The following NKAIN3 variants were observed in gnomAD, a reference collection of about 807,000 sequenced individuals.
NKAIN3 encodes sodium/potassium-transporting ATPase subunit beta-1-interacting protein 3.
Under a neutral mutation model 30.2 loss-of-function variants are expected in NKAIN3, and 25 were observed. The observed-to-expected ratio is 0.83, with a 90% confidence interval of 0.60 to 1.16. The LOEUF (loss-of-function observed/expected upper bound fraction) is 1.16, where lower values mean the gene tolerates loss of function less well. Among genes scored for constraint, NKAIN3 ranks in the 50% most tolerant of loss-of-function variants. The probability of loss-of-function intolerance (pLI) is 0.00; values close to 1 mark genes in which losing one functional copy is unlikely to be tolerated. For synonymous variants in NKAIN3, 91 were observed against 89.6 expected, an observed-to-expected ratio of 1.02 and a Z score of -0.09; for missense variants, 225 against 254.1, an observed-to-expected ratio of 0.89 and a Z score of 0.78.
chr8:62,986,777 A>G (rs1025548670), downstream of NKAIN3, among the ~76,000 whole-genome samples: 2 of 152,012 alleles, frequency 1.3e-5, no homozygotes, highest in Non-Finnish European at 2.9e-5. Context: ...TCAGTATTAT[A>G]TTTCTAAAGT....
At chr8:62,619,230 A>G (rs531910084) in intron 3 of NKAIN3, among the ~76,000 whole-genome samples, 1 of 152,316 alleles carries the variant, frequency 6.6e-6, no homozygotes, top group Middle Eastern at 3.4e-3. Context: ...TGGGTCACTT[A>G]CCTTAAGAAG....
At chr8:62,348,723 G>T (rs1263764969) in intron 1 of NKAIN3, among the ~76,000 whole-genome samples, 1 of 152,190 alleles carries the variant, frequency 6.6e-6, no homozygotes, top group Non-Finnish European at 1.5e-5. Flanking sequence ...CACCTGAGAT[G>T]AGTGAAAACT....
At chr8:62,494,936 T>C (rs180692472) in intron 1 of NKAIN3, among the ~76,000 whole-genome samples, 3 of 152,152 alleles carry the variant, frequency 2.0e-5, no homozygotes, top group Non-Finnish European at 4.4e-5. Flanking sequence ...CCTATCAATC[T>C]TATTAGCTTT....
chr8:62,361,791 C>T (rs1056354480), intron 1 of NKAIN3, among the ~76,000 whole-genome samples: 1 of 152,148 alleles, frequency 6.6e-6, no homozygotes, highest in Non-Finnish European at 1.5e-5. Context: ...ATTTTCCTTA[C>T]AATTCCCAAC....
chr8:62,415,843 T>G (rs1025835119), intron 1 of NKAIN3, among the ~76,000 whole-genome samples: 7 of 151,792 alleles, frequency 4.6e-5, no homozygotes, highest in African/African-American at 1.7e-4. Context: ...CGGCAAGCTC[T>G]GCCTCCCGGG....
At position 62,624,443 on chromosome 8, in the gene NKAIN3, A is replaced by G. The variant is rs144319742; in HGVS notation, c.273+34649A>G. On this transcript the variant is annotated intron_variant, in intron 3 of 6. Coordinates refer to ENST00000623646, the MANE Select transcript of NKAIN3 (RefSeq NM_001304533.3). ...ACTCTACTCTCTCTTTTTTACTTTCATGTTTTCTGAGAAGTCAGATGTAAT... is the reference window on the plus strand; with the variant it reads ...ACTCTACTCTCTCTTTTTTACTTTCGTGTTTTCTGAGAAGTCAGATGTAAT... Among the ~76,000 whole-genome samples, 185 of 149,136 alleles carry G rather than the reference A, an allele frequency of 1.2e-3. 1 individual carries two copies. Among genetic ancestry groups the G allele is most frequent in the Middle Eastern group, 6.9e-3 (2 of 288 alleles).
chr8:62,304,267 A>T (rs1304644486), intron 1 of NKAIN3, among the ~76,000 whole-genome samples: 1 of 150,404 alleles, frequency 6.6e-6, no homozygotes, highest in Non-Finnish European at 1.5e-5. Flanking sequence ...AGCACAGAGA[A>T]ATGTAGTATA....
intron 1 of NKAIN3, among the ~76,000 whole-genome samples, chr8:62,512,730 AC>A (rs1475919194): frequency 1.4e-5 from 1 of 73,690 alleles, no homozygotes; most frequent in Non-Finnish European, 3.6e-5. Context: ...AGCTGCTGCC[AC>A]AAAGAAAACT....
chr8:62,795,591 C>G (rs372212283), intron 4 of NKAIN3, among the ~76,000 whole-genome samples: 2 of 151,508 alleles, frequency 1.3e-5, no homozygotes, highest in East Asian at 3.9e-4. Context: ...TTCATTTTGT[C>G]TTTTGTCTTT....
intron 3 of NKAIN3, among the ~76,000 whole-genome samples, chr8:62,618,868 G>A (rs1027586452): frequency 6.6e-6 from 1 of 151,680 alleles, no homozygotes; most frequent in African/African-American, 2.4e-5. Flanking sequence ...ATCGCGCCAC[G>A]GCACCCCAGC....
chr8:62,423,304 T>C (rs1804702901), intron 1 of NKAIN3, among the ~76,000 whole-genome samples: 11 of 151,944 alleles, frequency 7.2e-5, no homozygotes, highest in Admixed American at 7.2e-4. Flanking sequence ...CCCTTACTCA[T>C]CAGATTTACC....
chr8:62,905,873 C>T (rs1023183402), intron 4 of NKAIN3, among the ~76,000 whole-genome samples: 4 of 152,200 alleles, frequency 2.6e-5, no homozygotes, highest in African/African-American at 9.6e-5. Flanking sequence ...CACTCACTTC[C>T]TTAGTCACAT....
In NKAIN3 at chr8:62,486,477, G is replaced by A. The variant is rs186317955; in HGVS notation, c.55-93062G>A. Among the ~76,000 whole-genome samples, 141 of 152,160 alleles carry A rather than the reference G, an allele frequency of 9.3e-4. 1 individual carries two copies. Among genetic ancestry groups the A allele is most frequent in the Admixed American group, 3.4e-3 (52 of 15,288 alleles). On this transcript the variant is annotated intron_variant, in intron 1 of 6. Transcript: ENST00000623646. ...AGGTGGTCTAAAAGTTAATGTATTA[G>A]ATATTTGAAATATTTTCCTTTGGTA...
At chr8:62,662,886 T>C (rs945050244) in intron 3 of NKAIN3, among the ~76,000 whole-genome samples, 7 of 152,238 alleles carry the variant, frequency 4.6e-5, no homozygotes, top group African/African-American at 1.4e-4. Flanking sequence ...AAATAAGTGC[T>C]GTAATGGCTG....
At chr8:62,434,416 T>G (rs1429333768) in intron 1 of NKAIN3, among the ~76,000 whole-genome samples, 1 of 152,122 alleles carries the variant, frequency 6.6e-6, no homozygotes, top group Non-Finnish European at 1.5e-5. Flanking sequence ...TTTTCAGCCC[T>G]GAGAAGGTCC....
At chr8:62,575,514 A>T (rs1381265334) in intron 1 of NKAIN3, among the ~76,000 whole-genome samples, 1 of 152,172 alleles carries the variant, frequency 6.6e-6, no homozygotes, top group African/African-American at 2.4e-5. Flanking sequence ...TGAAAGAATC[A>T]ATATTGTTAA....
At chr8:62,444,157 T>A (rs1805413601) in intron 1 of NKAIN3, among the ~76,000 whole-genome samples, 1 of 152,162 alleles carries the variant, frequency 6.6e-6, no homozygotes, top group East Asian at 1.9e-4. Flanking sequence ...GATAATTTCA[T>A]AATTTATATA....
At chr8:62,663,887 A>G (rs1323378336) in intron 3 of NKAIN3, among the ~76,000 whole-genome samples, 2 of 152,186 alleles carry the variant, frequency 1.3e-5, no homozygotes, top group Admixed American at 6.6e-5. Flanking sequence ...AATTCAAACA[A>G]TTCCAATGGA....
In NKAIN3 at chr8:62,965,848, C is replaced by A. The variant is rs1823696844; in HGVS notation, c.*441C>A. 2.0e-6 allele frequency: 2 copies of A among 984,754 alleles called. No homozygotes were observed. Among genetic ancestry groups the A allele is most frequent in the Non-Finnish European group, 1.2e-6 (1 of 829,420 alleles). 61.0% of individuals were successfully genotyped at this position (984,754 alleles called of 1,614,324 possible). A position where few individuals can be genotyped will look rare whatever the true frequency, so the allele number is the denominator to read the frequency against. On this transcript the variant is annotated 3_prime_UTR_variant, in exon 7 of 7. Coordinates refer to ENST00000623646, the MANE Select transcript of NKAIN3 (RefSeq NM_001304533.3). ...GACATTACCTGTGGTTATCAGCCACCAAGGTAGACCCTGTGACAGCTGATA... is the reference window on the plus strand; with the variant it reads ...GACATTACCTGTGGTTATCAGCCACAAAGGTAGACCCTGTGACAGCTGATA...
Sources: allele counts gnomAD v4.1 joint callset (sites outside exome capture counted in the v4.1 genomes callset), GRCh38; gene constraint gnomAD v4.1.1; transcripts MANE v1.5; gene names NCBI Gene and HGNC (gene_info 2026-07-23, HGNC 2026-07-21).